Variants in ARHGAP5 observed in about 807,000 individuals in gnomAD.
ARHGAP5 encodes rho GTPase-activating protein 5.
Under a neutral mutation model 116.6 loss-of-function variants are expected in ARHGAP5, and 23 were observed. That is an observed-to-expected ratio of 0.20 (90% CI 0.14 to 0.28). ARHGAP5 has a LOEUF of 0.28. Among genes scored for constraint, ARHGAP5 ranks in the 10% least tolerant of loss-of-function variants. The pLI is 1.00. For missense variants in ARHGAP5, 1,405 were observed against 1,774.8 expected, an observed-to-expected ratio of 0.79 and a Z score of 3.74; for synonymous variants, 574 against 602.0, an observed-to-expected ratio of 0.95 and a Z score of 0.68.
At chr14:32,115,562 A>G (rs1340645075) in intron 2 of ARHGAP5, among the ~76,000 whole-genome samples, 2 of 148,594 alleles carry the variant, frequency 1.3e-5, no homozygotes, top group Non-Finnish European at 3.0e-5. Flanking sequence ...GCTACTCAGG[A>G]GGCTGAGGCA....
At chr14:32,100,693 T>C (rs927382930) in intron 2 of ARHGAP5, among the ~76,000 whole-genome samples, 1 of 152,220 alleles carries the variant, frequency 6.6e-6, no homozygotes, top group African/African-American at 2.4e-5. Context: ...TTGAAAGCAA[T>C]GCCCTTCAGA....
At chr14:32,086,518 C>T (rs1261174279) in intron 1 of ARHGAP5, among the ~76,000 whole-genome samples, 8 of 150,568 alleles carry the variant, frequency 5.3e-5, no homozygotes, top group Non-Finnish European at 1.2e-4. Context: ...GTAGAAAAAA[C>T]TGAAAAGTTA....
At chr14:32,107,898 A>T (rs187441094) in intron 2 of ARHGAP5, among the ~76,000 whole-genome samples, 1 of 152,344 alleles carries the variant, frequency 6.6e-6, no homozygotes, top group East Asian at 1.9e-4. Flanking sequence ...GGCAGAGTAC[A>T]GCTAGAGAAG....
intron 4 of ARHGAP5, among the ~76,000 whole-genome samples, chr14:32,146,666 A>G (rs887574798): frequency 6.6e-6 from 1 of 152,204 alleles, no homozygotes; most frequent in Non-Finnish European, 1.5e-5. Context: ...AATAGAAGAA[A>G]AGATTGAAAA....
chr14:32,150,679 A>G (rs1348249919), intron 5 of ARHGAP5, among the ~76,000 whole-genome samples: 2 of 152,250 alleles, frequency 1.3e-5, no homozygotes, highest in Non-Finnish European at 2.9e-5. Flanking sequence ...CAAAACCCTC[A>G]TGATATAGTC....
intron 2 of ARHGAP5, among the ~76,000 whole-genome samples, chr14:32,104,699 G>T (rs114739548): frequency 0.014 from 2,158 of 152,246 alleles, 47 homozygotes; most frequent in African/African-American, 0.048. Context: ...TAACCTTTCT[G>T]AGGGCAGTTA....
At chr14:32,108,845 T>C (rs1292653815) in intron 2 of ARHGAP5, among the ~76,000 whole-genome samples, 1 of 152,198 alleles carries the variant, frequency 6.6e-6, no homozygotes, top group African/African-American at 2.4e-5. Flanking sequence ...ATACTGTTTA[T>C]AAGACTTAAA....
intron 1 of ARHGAP5, among the ~76,000 whole-genome samples, chr14:32,079,599 G>A (rs534198212): frequency 6.6e-6 from 1 of 152,152 alleles, no homozygotes; most frequent in South Asian, 2.1e-4. Context: ...TCCTTTTTTG[G>A]ATTTGAAGTA....
At chr14:32,147,438 T>C (rs990887574) in intron 4 of ARHGAP5, among the ~76,000 whole-genome samples, 3 of 152,182 alleles carry the variant, frequency 2.0e-5, no homozygotes, top group Non-Finnish European at 2.9e-5. Flanking sequence ...ATTAAAGGAT[T>C]ATATTTATTT....
At chr14:32,086,853 A>G (rs748182187) in intron 1 of ARHGAP5, among the ~76,000 whole-genome samples, 2 of 150,856 alleles carry the variant, frequency 1.3e-5, no homozygotes, top group African/African-American at 5.0e-5. Context: ...CCTAAAGACA[A>G]TCTTAAAGGC....
chr14:32,133,760 A>G (rs535747270), intron 3 of ARHGAP5, among the ~76,000 whole-genome samples: 48 of 152,336 alleles, frequency 3.2e-4, no homozygotes, highest in Admixed American at 7.8e-4. Context: ...ACATCCCATC[A>G]ATACCTAATT....
In ARHGAP5 at chr14:32,083,774, C is replaced by T. The variant is rs528123713; in HGVS notation, c.-169+6339C>T. Among the ~76,000 whole-genome samples, 3 of 152,252 alleles carry T rather than the reference C, an allele frequency of 2.0e-5. No individual in the cohort carries two copies. The South Asian group carries it at 6.2e-4, about 32-fold the overall frequency. The stretch of plus-strand genomic sequence containing the variant: ...AAATGACGGTTCCTCTACTATATGG[C>T]ATTGTAATATTGCATATCAAATTAT... On this transcript the variant is annotated intron_variant, in intron 1 of 6. Transcript: ENST00000345122.
At position 32,092,679 on chromosome 14, in the gene ARHGAP5, T is replaced by A. The variant is rs374179893; in HGVS notation, c.2010T>A (p.Phe670Leu). 9 of 1,613,900 alleles carry A rather than the reference T, an allele frequency of 5.6e-6. No individual in the cohort carries two copies. The African/African-American group carries it at 1.2e-4, about 22-fold the overall frequency. The stretch of plus-strand genomic sequence containing the variant: ...TTAATTCCATTGAGTCATTGAGTTT[T>A]ATTGGGGAATTTATTGGGAAAATAA... ...CVFNSIESLSFIGEFIGKIRT... is the reference protein window; with the variant it reads ...CVFNSIESLSLIGEFIGKIRT... Residue 670 changes from phenylalanine to leucine, a missense_variant, in exon 2 of 7, where the codon TTT (phenylalanine) becomes TTA (leucine). Coordinates refer to ENST00000345122, the MANE Select transcript of ARHGAP5 (RefSeq NM_001030055.2). The surrounding 1 kb of genome is among the most constrained non-coding windows in gnomAD (Gnocchi z 4.1).
At position 32,148,624 on chromosome 14, in the gene ARHGAP5, C is replaced by T. The variant is rs1490658580; in HGVS notation, c.3944-1278C>T. On this transcript the variant is annotated intron_variant, in intron 4 of 6. Transcript: ENST00000345122. ...TATATTTAAATGAAATCTAAATGTT[C>T]AGTAATAGAATATTATGTAAATTGT... is the stretch of plus-strand genomic sequence containing the variant. Among the ~76,000 whole-genome samples the T allele has an allele frequency of 2.0e-5, 3 of 151,736 alleles. 1 individual carries two copies. The highest frequency in any genetic ancestry group is 4.4e-5 in the Non-Finnish European group (3 of 67,970).
At chr14:32,114,408 C>G (rs1428527771) in intron 2 of ARHGAP5, among the ~76,000 whole-genome samples, 1 of 152,196 alleles carries the variant, frequency 6.6e-6, no homozygotes, top group Non-Finnish European at 1.5e-5. Flanking sequence ...GTACCCCTGC[C>G]TCAACTTTGA....
At chr14:32,132,671 C>T (rs1472529230) in intron 3 of ARHGAP5, among the ~76,000 whole-genome samples, 1 of 151,922 alleles carries the variant, frequency 6.6e-6, no homozygotes, top group African/African-American at 2.4e-5. Flanking sequence ...ATGCCTATGT[C>T]CTGCATGGTA....
intron 1 of ARHGAP5, among the ~76,000 whole-genome samples, chr14:32,080,685 A>G (rs985958336): frequency 1.3e-5 from 2 of 152,220 alleles, no homozygotes; most frequent in African/African-American, 4.8e-5. Context: ...TGTTTTCCTC[A>G]GGACCTCTGG....
rs748510277 is a variant in ARHGAP5, at chr14:32,094,341, T to C, written c.3672T>C (p.Asp1224=). The change falls in exon 2 of 7, where the codon GAT becomes GAC. Residue 1224 remains aspartate (D), a synonymous_variant. Transcript: ENST00000345122. ...TCACTTCTGACCAGGAGTTAGATGA[T>C]AAGAAGATGAAGAAGAAAACCCACA... ...PAITSDQELD[D]KKMKKKTHKV... 6.3e-6 allele frequency: 10 copies of C among 1,591,126 alleles called. No homozygotes were observed. Among genetic ancestry groups the C allele is most frequent in the Non-Finnish European group, 8.5e-6 (10 of 1,174,112 alleles).
intron 3 of ARHGAP5, among the ~76,000 whole-genome samples, chr14:32,138,435 C>T (rs1264275314): frequency 6.6e-6 from 1 of 152,154 alleles, no homozygotes; most frequent in African/African-American, 2.4e-5. Context: ...AGGTGGGTGC[C>T]ACTGCACCTG....
Sources: allele counts gnomAD v4.1 joint callset (sites outside exome capture counted in the v4.1 genomes callset), GRCh38; gene constraint gnomAD v4.1.1; non-coding constraint Gnocchi (gnomAD v3.1); transcripts MANE v1.5; gene names NCBI Gene and HGNC (gene_info 2026-07-23, HGNC 2026-07-21).